DMXL2: variants seen among roughly 807,000 people sequenced by gnomAD.
The protein encoded by DMXL2 is Dmx like 2.
DMXL2 carries 103 observed loss-of-function variants against 331.1 expected under a neutral mutation model. The observed-to-expected ratio is 0.31, with a 90% CI of 0.27 to 0.37. The LOEUF is 0.37. Ranked by LOEUF, DMXL2 falls within the 10% of genes least tolerant of loss-of-function variation. The pLI, the probability that DMXL2 is intolerant of heterozygous loss-of-function variation, is 1.00. For missense variants in DMXL2, 3,171 were observed against 3,642.9 expected (o/e 0.87, Z 3.33); for synonymous variants, 1,281 against 1,252.1 (o/e 1.02, Z -0.49).
intron 1 of DMXL2, among the ~76,000 whole-genome samples, chr15:51,582,674 C>A (rs140554166): frequency 6.1e-4 from 78 of 128,896 alleles, no homozygotes; most frequent in African/African-American, 2.0e-3. Context: ...CTAAAAAGGA[C>A]AAATAGGTTT....
chr15:51,450,263 G>T lies in DMXL2; in HGVS notation c.8833C>A (p.His2945Asn), dbSNP rs762424714. ...QLLISGGRKG[H>N]VCIFDIRQRQ... ...TGCCTGATGTCAAAAATGCAGACGTGTCCTTTCCTACCCCCCGAGATTAGG... is the reference window on the plus strand; with the variant it reads ...TGCCTGATGTCAAAAATGCAGACGTTTCCTTTCCTACCCCCCGAGATTAGG... Residue 2945 changes from histidine (H) to asparagine (N), a missense_variant, in exon 43 of 44, where the codon CAC becomes AAC. Physicochemically the swap from His to Asn is moderately conservative, Grantham distance 68 (BLOSUM62 1). Coordinates refer to ENST00000560891, the MANE Select transcript of DMXL2 (RefSeq NM_001378457.1). 6.7e-5 allele frequency: 108 copies of T among 1,613,904 alleles called. No homozygotes were observed. In the Admixed American group the frequency reaches 8.0e-4, roughly 12 times the overall value.
chr15:51,450,406 T>A (rs1434273507), intron 42 of DMXL2, 60 bp from the exon 43 acceptor site: 11 of 1,498,506 alleles, frequency 7.3e-6, no homozygotes, highest in Non-Finnish European at 1.0e-5. Context: ...GTAATTATGA[T>A]GTCTACATCC....
intron 17 of DMXL2, among the ~76,000 whole-genome samples, chr15:51,501,529 T>A (rs1421598906): frequency 2.0e-5 from 3 of 152,136 alleles, no homozygotes; most frequent in Admixed American, 6.5e-5. Context: ...TCTTAAATTT[T>A]AAAAAAAGCC....
chr15:51,465,547 T>C lies in DMXL2; in HGVS notation c.7606+19A>G. The C allele has an allele frequency of 6.5e-7, 1 of 1,549,066 alleles. No homozygotes were observed. Among genetic ancestry groups the C allele is most frequent in the East Asian group, 2.3e-5 (1 of 44,130 alleles). ...ATTTATTATACTTAATAACATTAAT[T>C]TTTAAATTCCAAACTCACCAGAGAA... is the stretch of plus-strand genomic sequence containing the variant. On this transcript the variant is annotated intron_variant, in intron 31 of 43. Transcript: ENST00000560891.
At position 51,536,384 on chromosome 15, in the gene DMXL2, A is replaced by C. The variant is rs117017152; in HGVS notation, c.2096T>G (p.Ile699Arg). The change falls in exon 12 of 44, where the codon ATA becomes AGA. Residue 699 changes from isoleucine to arginine, a missense_variant. Physicochemically the swap from Ile to Arg is moderately conservative, Grantham distance 97. Around this residue, in one of 7 missense-constraint regions of DMXL2, gnomAD observed 1,674 missense variants for 1,780.2 expected, o/e 0.94. Coordinates refer to ENST00000560891, the MANE Select transcript of DMXL2 (RefSeq NM_001378457.1). ...LSRLMDPVKH[I>R]KGSSKQPLRN... is the part of the protein sequence containing the mutation. ...AAGAGGTTGTTTCGAGGAACCTTTT[A>C]TATGTTTTACAGGGTCCATTAATCT... is the stretch of plus-strand genomic sequence containing the variant. 6.2e-7 allele frequency: 1 copy of C among 1,613,632 alleles called. No individual in the cohort carries two copies.
At chr15:51,568,649 T>C in intron 2 of DMXL2, 91 bp from the exon 3 acceptor site, 2 of 805,776 alleles carry the variant, frequency 2.5e-6, no homozygotes, top group Non-Finnish European at 3.9e-6. Flanking sequence ...TAATTACATA[T>C]AATCTCAATA....
intron 1 of DMXL2, among the ~76,000 whole-genome samples, chr15:51,604,309 A>G (rs921798844): frequency 6.6e-6 from 1 of 151,584 alleles, no homozygotes; most frequent in Non-Finnish European, 1.5e-5. Context: ...AAGGAAAAAA[A>G]AAAAAAGAAC....
chr15:51,543,440 T>C (rs1596193842), intron 8 of DMXL2, among the ~76,000 whole-genome samples: 3 of 152,222 alleles, frequency 2.0e-5, no homozygotes, highest in African/African-American at 4.8e-5. Context: ...CCCCCACCTC[T>C]GGTCTCCCAC....
chr15:51,491,366 A>T (rs1485580778), intron 20 of DMXL2, among the ~76,000 whole-genome samples: 1 of 152,032 alleles, frequency 6.6e-6, no homozygotes, highest in Admixed American at 6.6e-5. Context: ...GCTTGAACCC[A>T]GGAGGCAGAG....
At chr15:51,569,992 T>C (rs914346823) in intron 2 of DMXL2, among the ~76,000 whole-genome samples, 17 of 151,938 alleles carry the variant, frequency 1.1e-4, no homozygotes, top group African/African-American at 4.1e-4. Flanking sequence ...AACAAACTCC[T>C]CCAAGCTAAA....
In DMXL2 at chr15:51,567,506, CA is replaced by C. The variant is rs575745163; in HGVS notation, c.285+980del. On this transcript the variant is annotated intron_variant, in intron 3 of 43. Coordinates refer to ENST00000560891, the MANE Select transcript of DMXL2 (RefSeq NM_001378457.1). Reference sequence around the variant, plus strand: ...GGGGTACAATTTTTTAAAGGGTGGTCAAGGTAAACCTCATTGACAAGGTATT... The same window carrying C: ...GGGGTACAATTTTTTAAAGGGTGGTCAGGTAAACCTCATTGACAAGGTATT... The C allele has an allele frequency of 2.0e-5, 3 of 152,078 alleles. 1 individual carries two copies. The South Asian group carries it at 6.2e-4, about 32-fold the overall frequency. The allele number at this position is 152,078 out of a possible 1,614,324, so 9.4% of individuals were successfully genotyped here.
At chr15:51,523,460 G>A (rs950737675) in intron 13 of DMXL2, among the ~76,000 whole-genome samples, 1 of 152,222 alleles carries the variant, frequency 6.6e-6, no homozygotes. Flanking sequence ...GTTGATCAGA[G>A]TAGTGGGTTA....
chr15:51,557,414 G>A (rs1392772018), intron 6 of DMXL2, among the ~76,000 whole-genome samples: 1 of 151,970 alleles, frequency 6.6e-6, no homozygotes, highest in Non-Finnish European at 1.5e-5. Flanking sequence ...GTTCATAAAC[G>A]GGAAGACTAA....
At chr15:51,593,673 C>CT (rs1329408211) in intron 1 of DMXL2, among the ~76,000 whole-genome samples, 3 of 152,206 alleles carry the variant, frequency 2.0e-5, no homozygotes, top group African/African-American at 7.2e-5. Context: ...AAGTAAAGCA[C>CT]TCCTCAGCAA....
chr15:51,515,417 G>C (rs1055030623), intron 14 of DMXL2, among the ~76,000 whole-genome samples: 1 of 152,066 alleles, frequency 6.6e-6, no homozygotes, highest in African/African-American at 2.4e-5. Flanking sequence ...TTACATAATA[G>C]AAAGAAATAA....
chr15:51,483,655 CCCCTGCT>C (rs2042178727), intron 23 of DMXL2, among the ~76,000 whole-genome samples: 1 of 151,992 alleles, frequency 6.6e-6, no homozygotes, highest in Non-Finnish European at 1.5e-5. Context: ...GCGTGCAGCG[CCCCTGCT>C]CCCTGCACTC....
intron 39 of DMXL2, 123 bp from the exon 40 acceptor site, chr15:51,455,351 TG>T (rs1176300491): frequency 2.4e-6 from 2 of 834,540 alleles, no homozygotes; most frequent in African/African-American, 3.5e-5. Context: ...ATGTTTCTGT[TG>T]CTGTCATTCC....
At chr15:51,457,628 G>T in intron 36 of DMXL2, 162 bp from the exon 37 acceptor site, 5 of 731,098 alleles carry the variant, frequency 6.8e-6, no homozygotes, top group East Asian at 6.0e-5. Context: ...TGTTAATACT[G>T]GTTAACTTTT....
At chr15:51,606,130 A>G (rs1161692613) in intron 1 of DMXL2, among the ~76,000 whole-genome samples, 1 of 152,204 alleles carries the variant, frequency 6.6e-6, no homozygotes, top group Non-Finnish European at 1.5e-5. Context: ...TTAAACTGAA[A>G]TCTTGAAGAT....
Sources: gnomAD v4.1 joint callset for allele counts (sites outside exome capture counted in the v4.1 genomes callset) on GRCh38, gnomAD v4.1.1 for gene constraint, gnomAD v4.1.1 regional missense constraint, MANE v1.5 for transcripts, NCBI Gene and HGNC (gene_info 2026-07-23, HGNC 2026-07-21) for gene names.